EP400: variants seen among roughly 807,000 people sequenced by gnomAD.
EP400 encodes the protein E1A binding protein p400, also known as E1A-binding protein p400.
EP400 carries 105 observed loss-of-function variants against 354.1 expected under a neutral mutation model. The ratio of observed to expected loss-of-function variants is 0.30; its 90% confidence interval spans 0.25 to 0.35. The LOEUF (loss-of-function observed/expected upper bound fraction) is 0.35. Ranked by LOEUF, EP400 falls within the 10% of genes least tolerant of loss-of-function variation. The pLI is 1.00. For synonymous variants in EP400, 1,646 were observed against 1,716.9 expected, an observed-to-expected ratio of 0.96 and a Z score of 1.02; for missense variants, 3,280 against 4,121.0, an observed-to-expected ratio of 0.80 and a Z score of 5.59.
Position 132,053,236 on chromosome 12 carries a change from G to T in EP400, c.7473+12G>T, listed in dbSNP as rs780627825. On this transcript the variant is annotated intron_variant, in intron 42 of 52. Coordinates refer to ENST00000389561, the MANE Select transcript of EP400 (RefSeq NM_015409.5). The stretch of plus-strand genomic sequence containing the variant: ...CAAAAGAGAAAAAGGTCAGCGCCCT[G>T]GGCCCTTCTGCTTGAGTGGGAAAAT... 6.2e-7 allele frequency: 1 copy of T among 1,613,228 alleles called. No homozygotes were observed.
intron 13 of EP400, 119 bp from the exon 14 acceptor site, chr12:132,005,993 T>C: frequency 1.1e-6 from 1 of 901,764 alleles, no homozygotes; most frequent in Non-Finnish European, 1.6e-6. Context: ...AAAAAATTAT[T>C]GCCTAATTCA....
chr12:132,018,434 C>T lies in EP400; in HGVS notation c.4277+58C>T. ...GGCTCCCAGGGCCCCCACAGCTGAC[C>T]CAGGTCTATGCGTGGTGAAAAGAAA... On this transcript the variant is annotated intron_variant, in intron 21 of 52. Coordinates refer to ENST00000389561, the MANE Select transcript of EP400 (RefSeq NM_015409.5). The surrounding 1 kb of genome is among the most constrained non-coding windows in gnomAD (Gnocchi z 4.0). 6.5e-7 allele frequency: 1 copy of T among 1,548,908 alleles called. No homozygotes were observed. Among genetic ancestry groups the T allele is most frequent in the South Asian group, 1.3e-5 (1 of 79,868 alleles).
At chr12:132,008,391 T>C (rs1373351356) in intron 15 of EP400, among the ~76,000 whole-genome samples, 1 of 152,252 alleles carries the variant, frequency 6.6e-6, no homozygotes, top group Non-Finnish European at 1.5e-5. Flanking sequence ...GATCAACTTC[T>C]GAGCTTCATA....
At chr12:131,950,642 A>G (rs1019222430) in intron 1 of EP400, among the ~76,000 whole-genome samples, 1 of 152,162 alleles carries the variant, frequency 6.6e-6, no homozygotes, top group Non-Finnish European at 1.5e-5. Flanking sequence ...GCGGAGCCTT[A>G]GTAATTGCCG....
intron 2 of EP400, chr12:131,963,685 T>A (rs749746414): frequency 6.7e-7 from 1 of 1,501,250 alleles, no homozygotes; most frequent in Admixed American, 1.8e-5. Context: ...TCCCAAACTT[T>A]TCCTTCATCC....
At chr12:131,974,761 G>C (rs566090905) in intron 2 of EP400, among the ~76,000 whole-genome samples, 1 of 151,904 alleles carries the variant, frequency 6.6e-6, no homozygotes, top group Non-Finnish European at 1.5e-5. Context: ...AGGCCGAGGC[G>C]GGCGGATCAC....
chr12:132,038,108 T>C lies in EP400; in HGVS notation c.6207+12T>C, dbSNP rs757033040. 9 of 1,609,072 alleles carry C rather than the reference T, an allele frequency of 5.6e-6. No individual in the cohort carries two copies. Among genetic ancestry groups the C allele is most frequent in the Middle Eastern group, 1.6e-4 (1 of 6,070 alleles). On this transcript the variant is annotated intron_variant, in intron 32 of 52. Coordinates refer to ENST00000389561, the MANE Select transcript of EP400 (RefSeq NM_015409.5). This position sits in a 1 kb window ranked among gnomAD's most constrained non-coding sequence, Gnocchi z 4.2. ...GACCTTTCATAGAGGTAAGAATACATTGAATCTGGCTGAAGAGTTGCACGG... is the reference window on the plus strand; with the variant it reads ...GACCTTTCATAGAGGTAAGAATACACTGAATCTGGCTGAAGAGTTGCACGG...
intron 23 of EP400, among the ~76,000 whole-genome samples, chr12:132,022,107 GTC>G (rs1894140789): frequency 6.6e-6 from 1 of 152,158 alleles, no homozygotes; most frequent in African/African-American, 2.4e-5. Context: ...TTCCTTACAA[GTC>G]TCTCTCTCCC....
In EP400 at chr12:132,025,612, C is replaced by T; in HGVS notation, c.4856-34C>T. On this transcript the variant is annotated intron_variant, in intron 24 of 52. Transcript: ENST00000389561. This position sits in a 1 kb window ranked among gnomAD's most constrained non-coding sequence, Gnocchi z 4.1. Reference sequence around the variant, plus strand: ...GTGTGTGGCTGTGATGTACACATGCCTGTCATTGACACCTAGTGGACCTAT... The same window carrying T: ...GTGTGTGGCTGTGATGTACACATGCTTGTCATTGACACCTAGTGGACCTAT... 2 of 1,556,816 alleles carry T rather than the reference C, an allele frequency of 1.3e-6. No homozygotes were observed. The highest frequency in any genetic ancestry group is 1.7e-6 in the Non-Finnish European group (2 of 1,150,674).
intron 7 of EP400, 23 bp from the exon 8 acceptor site, chr12:131,989,941 A>G (rs1892976002): frequency 6.2e-7 from 1 of 1,612,310 alleles, no homozygotes; most frequent in Non-Finnish European, 8.5e-7. Context: ...ACAACATACA[A>G]TTCTTGCACT....
At position 132,023,071 on chromosome 12, in the gene EP400, T is replaced by C. The variant is rs79046660; in HGVS notation, c.4691-706T>C. On this transcript the variant is annotated intron_variant, in intron 23 of 52. Coordinates refer to ENST00000389561, the MANE Select transcript of EP400 (RefSeq NM_015409.5). Reference sequence around the variant, plus strand: ...ATTGGACAGGTACTTTTCACATTTTTAAAGTTCTCTAAAGTTTAGGTTCAT... The same window carrying C: ...ATTGGACAGGTACTTTTCACATTTTCAAAGTTCTCTAAAGTTTAGGTTCAT... Among the ~76,000 whole-genome samples the C allele has an allele frequency of 4.9e-4, 74 of 152,232 alleles. No individual in the cohort carries two copies. The East Asian group carries it at 0.013, about 27-fold the overall frequency.
chr12:131,991,594 T>A, intron 10 of EP400, 138 bp downstream of exon 10: 1 of 761,486 alleles, frequency 1.3e-6, no homozygotes, highest in Non-Finnish European at 2.1e-6. Context: ...TTTTTTTTTG[T>A]TTTAGAGACA....
chr12:131,976,325 TG>T lies in EP400; in HGVS notation c.1336-3368del, dbSNP rs377375215. ...TTTGGAGTAAGTTTGAATTGGATTT[TG>T]TACAATTGTGCATGATATGTAGAAA... On this transcript the variant is annotated intron_variant, in intron 2 of 52. Coordinates refer to ENST00000389561, the MANE Select transcript of EP400 (RefSeq NM_015409.5). Among the ~76,000 whole-genome samples the T allele has an allele frequency of 1.1e-3, 171 of 152,342 alleles. 1 individual carries two copies. The highest frequency in any genetic ancestry group is 3.9e-3 in the African/African-American group (162 of 41,582).
chr12:132,006,006 A>G, intron 13 of EP400, 106 bp from the exon 14 acceptor site: 1 of 1,080,100 alleles, frequency 9.3e-7, no homozygotes, highest in Non-Finnish European at 1.3e-6. Context: ...CTAATTCAGT[A>G]TTTAAAGTAG....
intron 32 of EP400, among the ~76,000 whole-genome samples, chr12:132,040,205 C>T (rs1294873816): frequency 1.3e-5 from 2 of 152,048 alleles, no homozygotes; most frequent in African/African-American, 2.4e-5. Context: ...GTCATCAAAA[C>T]GCAAAAGATA....
At position 131,982,348 on chromosome 12, in the gene EP400, A is replaced by G. The variant is rs751052051; in HGVS notation, c.1799A>G (p.Asn600Ser). The G allele has an allele frequency of 2.5e-6, 4 of 1,613,820 alleles. No homozygotes were observed. Among genetic ancestry groups the G allele is most frequent in the East Asian group, 4.5e-5 (2 of 44,864 alleles). The change falls in exon 5 of 53, where the codon AAT becomes AGT. Residue 600 changes from asparagine (N) to serine (S), a missense_variant. By Grantham distance (46) the Asn-to-Ser change is conservative. Transcript: ENST00000389561. ...ATCCCGGTGAAGACTCAGCAGCCCA[A>G]TGTTCCCATCCCTGCACCGCCCAGC... ...LQIPVKTQQP[N>S]VPIPAPPSSQ...
chr12:131,999,148 A>T (rs1893321929), intron 12 of EP400, among the ~76,000 whole-genome samples: 1 of 151,874 alleles, frequency 6.6e-6, no homozygotes, highest in Admixed American at 6.6e-5. Flanking sequence ...GTTCAAACCT[A>T]ATGTTTGTTG....
chr12:132,005,275 T>C, intron 13 of EP400, 91 bp downstream of exon 13: 2 of 893,884 alleles, frequency 2.2e-6, no homozygotes, highest in East Asian at 3.0e-5. Context: ...AAATTTCTTT[T>C]AGTTTGATAA....
At position 131,961,157 on chromosome 12, in the gene EP400, A is replaced by C. The variant is rs1171682251; in HGVS notation, c.538A>C (p.Ile180Leu). The change falls in exon 2 of 53, where the codon ATC becomes CTC. Residue 180 changes from isoleucine (I) to leucine (L), a missense_variant. Ile to Leu is a conservative substitution (Grantham distance 5). This residue lies in a region of EP400 where 172 missense variants were observed against 242.9 expected (regional missense o/e 0.71). Coordinates refer to ENST00000389561, the MANE Select transcript of EP400 (RefSeq NM_015409.5). The part of the protein sequence containing the change: ...FVDASVLVRQ[I>L]SLSPSSGGHF... ...GGATGCCAGCGTGCTGGTGAGGCAG[A>C]TCAGCTTGAGCCCCTCCAGTGGTGG... 1 of 1,607,190 alleles carries C rather than the reference A, an allele frequency of 6.2e-7. No individual in the cohort carries two copies. The highest frequency in any genetic ancestry group is 1.7e-5 in the Admixed American group (1 of 59,032).
Sources: allele counts gnomAD v4.1 joint callset (sites outside exome capture counted in the v4.1 genomes callset), GRCh38; gene constraint gnomAD v4.1.1; regional missense constraint gnomAD v4.1.1; non-coding constraint Gnocchi (gnomAD v3.1); transcripts MANE v1.5; gene names NCBI Gene and HGNC (gene_info 2026-07-23, HGNC 2026-07-21).